Variants in TRAF2 observed in about 807,000 individuals in gnomAD.
TRAF2 encodes TNF receptor associated factor 2.
TRAF2 carries 6 observed loss-of-function variants against 55.6 expected under a neutral mutation model. That is an observed-to-expected ratio of 0.11 (90% CI 0.06 to 0.21). The LOEUF is 0.21. TRAF2 is among the 10% of genes least tolerant of loss of function. The pLI is 1.00. For synonymous variants in TRAF2, 329 were observed against 276.3 expected, an observed-to-expected ratio of 1.19 and a Z score of -1.89; for missense variants, 561 against 684.5, an observed-to-expected ratio of 0.82 and a Z score of 2.01.
intron 1 of TRAF2, among the ~76,000 whole-genome samples, chr9:136,893,392 G>T (rs1173032712): frequency 1.3e-5 from 2 of 152,346 alleles, no homozygotes; most frequent in African/African-American, 4.8e-5. Flanking sequence ...GCTTTGGGGG[G>T]CAGACAGGTG....
At chr9:136,889,988 T>C (rs1166031816) in intron 1 of TRAF2, among the ~76,000 whole-genome samples, 3 of 58,644 alleles carry the variant, frequency 5.1e-5, no homozygotes, top group African/African-American at 2.4e-4. Flanking sequence ...TCACCGCGTG[T>C]GTGAGAGTCC....
intron 2 of TRAF2, among the ~76,000 whole-genome samples, chr9:136,899,371 C>T (rs1173343067): frequency 3.3e-5 from 5 of 152,138 alleles, no homozygotes; most frequent in Admixed American, 2.0e-4. Context: ...ATGTCCTTGG[C>T]GGTTCAGGCG....
intron 8 of TRAF2, among the ~76,000 whole-genome samples, 192 bp downstream of exon 8, chr9:136,920,707 G>A (rs17244180): frequency 0.037 from 5,701 of 152,272 alleles, 115 homozygotes; most frequent in Middle Eastern, 0.051. Flanking sequence ...TCATCTAAGG[G>A]GCCCAAACCC....
intron 1 of TRAF2, among the ~76,000 whole-genome samples, chr9:136,896,816 GCC>G: frequency 6.6e-6 from 1 of 152,316 alleles, no homozygotes; most frequent in East Asian, 1.9e-4. Context: ...CACCGTGTTA[GCC>G]AGGATGGTCC....
At chr9:136,901,978 C>G (rs962097970) in intron 4 of TRAF2, 6 of 152,320 alleles carry the variant, frequency 3.9e-5, no homozygotes, top group African/African-American at 1.4e-4. Context: ...TTCAGAAGAA[C>G]TGCCCCAGCT....
At chr9:136,920,195 G>A in intron 7 of TRAF2, 39 bp from the exon 8 acceptor site, 1 of 1,567,248 alleles carries the variant, frequency 6.4e-7, no homozygotes, top group Non-Finnish European at 8.6e-7. Context: ...GAGCCGAATG[G>A]TGGATGGAGC....
intron 4 of TRAF2, among the ~76,000 whole-genome samples, chr9:136,907,794 C>G (rs543798190): frequency 2.6e-5 from 4 of 151,910 alleles, no homozygotes; most frequent in Non-Finnish European, 5.9e-5. Flanking sequence ...GATCGGGGAG[C>G]CTGGTGGTGG....
chr9:136,905,600 A>AGC (rs1849929120), intron 4 of TRAF2, among the ~76,000 whole-genome samples: 2 of 152,236 alleles, frequency 1.3e-5, no homozygotes, highest in African/African-American at 2.4e-5. Context: ...GATACATTTT[A>AGC]TGTTTATCAT....
chr9:136,917,551 G>A (rs1850271706), intron 7 of TRAF2, among the ~76,000 whole-genome samples: 2 of 152,240 alleles, frequency 1.3e-5, no homozygotes, highest in Admixed American at 6.5e-5. Flanking sequence ...CCCAGCTGAG[G>A]TGTGTGCCTG....
intron 6 of TRAF2, among the ~76,000 whole-genome samples, chr9:136,911,776 A>G (rs1164909108): frequency 6.6e-6 from 1 of 151,216 alleles, no homozygotes; most frequent in East Asian, 1.9e-4. Context: ...GGCCCGTTCC[A>G]GAGGAGAATG....
At chr9:136,924,898 C>A (rs1294134914) in intron 10 of TRAF2, among the ~76,000 whole-genome samples, 2 of 152,002 alleles carry the variant, frequency 1.3e-5, no homozygotes, top group South Asian at 2.1e-4. Flanking sequence ...ACCACCACGC[C>A]CAGCTAATTT....
chr9:136,883,549 C>T (rs1277962311), upstream of TRAF2, among the ~76,000 whole-genome samples: 5 of 152,268 alleles, frequency 3.3e-5, no homozygotes, highest in African/African-American at 1.2e-4. Context: ...TGGAGTCTTG[C>T]TCTGTCACCC....
Position 136,898,766 on chromosome 9 carries a change from CT to C in TRAF2, c.27del (p.Gly10AlafsTer76). MAAASVTPPGSLELLQPGF... is the reference protein window; with the variant it reads MAAASVTPXGSLELLQPGF... ...ATGGCTGCAGCTAGCGTGACCCCCC[CT>C]GGCTCCCTGGAGTTGCTACAGCCCG... On this transcript the variant is annotated frameshift_variant, in exon 2 of 11. Transcript: ENST00000247668. LOFTEE classifies it high-confidence loss of function. The C allele has an allele frequency of 1.9e-6, 3 of 1,613,684 alleles. No individual in the cohort carries two copies. Among genetic ancestry groups the C allele is most frequent in the Non-Finnish European group, 1.7e-6 (2 of 1,180,034 alleles).
Position 136,925,893 on chromosome 9 carries a change from G to C in TRAF2, c.1498G>C (p.Gly500Arg). 6.2e-7 allele frequency: 1 copy of C among 1,614,158 alleles called. No individual in the cohort carries two copies. The highest frequency in any genetic ancestry group is 2.2e-5 in the East Asian group (1 of 44,892). The part of the protein sequence containing the change: ...IFIKAIVDLT[G>R]L ...CATCAAGGCCATTGTGGACCTGACA[G>C]GGCTCTAACTGCCCCCTACTGGTGT... Residue 500 changes from glycine to arginine, a missense_variant, in exon 11 of 11, where the codon GGG (glycine) becomes CGG (arginine). By Grantham distance (125) the Gly-to-Arg change is moderately radical. This residue lies in a region of TRAF2 where 135 missense variants were observed against 207.7 expected (regional missense o/e 0.65). Transcript: ENST00000247668.
chr9:136,894,582 G>A (rs899880313), intron 1 of TRAF2, among the ~76,000 whole-genome samples: 1 of 152,036 alleles, frequency 6.6e-6, no homozygotes, highest in African/African-American at 2.4e-5. Context: ...AGAGCAGGGG[G>A]ATTGGGGGCA....
chr9:136,899,416 T>C (rs553115058), intron 2 of TRAF2, among the ~76,000 whole-genome samples, 178 bp from the exon 3 acceptor site: 46 of 152,344 alleles, frequency 3.0e-4, no homozygotes, highest in African/African-American at 1.1e-3. Context: ...AAAAACAGTG[T>C]GCTGTGAATA....
intron 1 of TRAF2, among the ~76,000 whole-genome samples, chr9:136,893,236 CA>C (rs1217293450): frequency 1.3e-5 from 2 of 152,164 alleles, no homozygotes; most frequent in African/African-American, 4.8e-5. Context: ...ACTGGGCAGG[CA>C]GAGCCCCAGC....
chr9:136,918,230 T>TATAC (rs1850287668), intron 7 of TRAF2, among the ~76,000 whole-genome samples: 1 of 31,882 alleles, frequency 3.1e-5, no homozygotes, highest in Non-Finnish European at 5.3e-5. Context: ...GTTTTGTTTA[T>TATAC]ATATATATAT....
chr9:136,888,085 G>A (rs1254916193), intron 1 of TRAF2, among the ~76,000 whole-genome samples: 1 of 151,958 alleles, frequency 6.6e-6, no homozygotes. Flanking sequence ...TGGCCAGGCT[G>A]GTTTCAAACT....
Sources: allele counts gnomAD v4.1 joint callset (sites outside exome capture counted in the v4.1 genomes callset), GRCh38; gene constraint gnomAD v4.1.1; regional missense constraint gnomAD v4.1.1; transcripts MANE v1.5; gene names NCBI Gene and HGNC (gene_info 2026-07-23, HGNC 2026-07-21).